Variants in DPP10 observed in about 807,000 individuals in gnomAD.
The protein encoded by DPP10 is inactive dipeptidyl peptidase 10.
In DPP10, 33 loss-of-function variants were observed where a neutral mutation model predicts 120.9. The observed-to-expected ratio is 0.27, with a 90% CI of 0.21 to 0.37. DPP10 has a LOEUF of 0.37. DPP10 is among the 10% of genes least tolerant of loss of function. The probability of loss-of-function intolerance (pLI) is 1.00; values close to 1 mark genes in which losing one functional copy is unlikely to be tolerated. For missense variants in DPP10, 816 were observed against 942.8 expected, an observed-to-expected ratio of 0.87 and a Z score of 1.76; for synonymous variants, 337 against 326.1, an observed-to-expected ratio of 1.03 and a Z score of -0.36.
intron 1 of DPP10, among the ~76,000 whole-genome samples, chr2:114,988,588 A>T (rs1380421284): frequency 6.6e-6 from 1 of 152,156 alleles, no homozygotes; most frequent in Non-Finnish European, 1.5e-5. Flanking sequence ...TTTCCCCAGG[A>T]TATAGTCATT....
intron 1 of DPP10, among the ~76,000 whole-genome samples, chr2:114,460,181 CTATCTATCT>C (rs1227371831): frequency 2.6e-5 from 2 of 75,554 alleles, no homozygotes; most frequent in African/African-American, 7.4e-5. Context: ...ATCTATCTAT[CTATCTATCT>C]ATCTATCTAT....
chr2:115,575,103 C>T (rs763231838), intron 5 of DPP10, among the ~76,000 whole-genome samples: 1 of 152,120 alleles, frequency 6.6e-6, no homozygotes, highest in Non-Finnish European at 1.5e-5. Context: ...CCTTCAGTTG[C>T]CCTGCTTTAA....
chr2:115,154,305 C>T (rs895510268), intron 1 of DPP10, among the ~76,000 whole-genome samples: 2 of 152,200 alleles, frequency 1.3e-5, no homozygotes, highest in East Asian at 1.9e-4. Flanking sequence ...GCTCTCCACA[C>T]TGGAAGCTTG....
intron 1 of DPP10, among the ~76,000 whole-genome samples, chr2:115,111,123 A>C (rs1229377715): frequency 1.3e-5 from 2 of 152,196 alleles, no homozygotes; most frequent in Non-Finnish European, 1.5e-5. Flanking sequence ...TGTCCCAAGC[A>C]TACACAAGTA....
chr2:114,458,278 C>A (rs1678690598), intron 1 of DPP10, among the ~76,000 whole-genome samples: 1 of 152,102 alleles, frequency 6.6e-6, no homozygotes, highest in African/African-American at 2.4e-5. Context: ...TCTTCAAATT[C>A]TATATTAATC....
intron 3 of DPP10, among the ~76,000 whole-genome samples, chr2:115,439,823 A>G (rs1277226290): frequency 6.6e-6 from 1 of 152,198 alleles, no homozygotes; most frequent in Admixed American, 6.5e-5. Flanking sequence ...AAATTTAAAC[A>G]TATATAATGT....
chr2:115,503,309 T>C (rs993425516), intron 4 of DPP10, among the ~76,000 whole-genome samples: 1 of 152,174 alleles, frequency 6.6e-6, no homozygotes, highest in African/African-American at 2.4e-5. Context: ...GATGTCATCC[T>C]AGTGTTTTTC....
chr2:115,125,318 A>C (rs1426610114), intron 1 of DPP10, among the ~76,000 whole-genome samples: 1 of 152,172 alleles, frequency 6.6e-6, no homozygotes, highest in Non-Finnish European at 1.5e-5. Context: ...AGATTTCTCA[A>C]ATGAACTCTA....
intron 1 of DPP10, among the ~76,000 whole-genome samples, chr2:115,119,732 T>A (rs67448492): frequency 0.21 from 31,351 of 152,076 alleles, 3,970 homozygotes; most frequent in East Asian, 0.36. Context: ...TCTAAAAGGA[T>A]GCCTCTTGAA....
intron 1 of DPP10, among the ~76,000 whole-genome samples, chr2:114,672,369 C>T (rs1410531312): frequency 2.6e-5 from 4 of 152,134 alleles, no homozygotes; most frequent in Admixed American, 2.6e-4. Flanking sequence ...CTCTTTCTCC[C>T]CCCATTTCCT....
chr2:115,117,319 T>A (rs2049568155), intron 1 of DPP10, among the ~76,000 whole-genome samples: 1 of 152,268 alleles, frequency 6.6e-6, no homozygotes, highest in Non-Finnish European at 1.5e-5. Flanking sequence ...TTCTGCCTGC[T>A]ACCATGATGG....
rs528695737 is a variant in DPP10 at position 115,754,272 on chromosome 2, T to C, written c.1074+975T>C. ...ACAGGGACCAGAGAAGTTGGAGCTT[T>C]ATAGAAAAGGACTCCAGCAATCTAT... On this transcript the variant is annotated intron_variant, in intron 11 of 25. Transcript: ENST00000410059. Among the ~76,000 whole-genome samples, 6 of 152,232 alleles carry C rather than the reference T, an allele frequency of 3.9e-5. No homozygotes were observed. The East Asian group carries it at 1.2e-3, about 29-fold the overall frequency.
intron 5 of DPP10, among the ~76,000 whole-genome samples, chr2:115,642,482 C>T (rs2149352781): frequency 6.6e-6 from 1 of 152,304 alleles, no homozygotes; most frequent in Middle Eastern, 3.4e-3. Context: ...TTTTCCGCGT[C>T]TCCAGCCTGC....
intron 1 of DPP10, among the ~76,000 whole-genome samples, chr2:114,744,831 G>A (rs557506484): frequency 9.2e-5 from 14 of 151,908 alleles, no homozygotes; most frequent in South Asian, 2.1e-4. Context: ...GCACAATCTC[G>A]GCCCACTGCA....
At chr2:115,445,937 C>G (rs906256733) in intron 3 of DPP10, among the ~76,000 whole-genome samples, 1 of 152,142 alleles carries the variant, frequency 6.6e-6, no homozygotes, top group Non-Finnish European at 1.5e-5. Flanking sequence ...CTGTGCACCA[C>G]TGGGACTTGG....
intron 3 of DPP10, among the ~76,000 whole-genome samples, chr2:115,446,602 G>A (rs1394010208): frequency 2.0e-5 from 3 of 152,094 alleles, no homozygotes; most frequent in African/African-American, 7.2e-5. Context: ...GGCTCGGAAT[G>A]TTTCTGTGTC....
intron 1 of DPP10, among the ~76,000 whole-genome samples, chr2:115,195,294 T>C (rs2055178502): frequency 6.6e-6 from 1 of 152,200 alleles, no homozygotes; most frequent in African/African-American, 2.4e-5. Context: ...GTAAATGTTG[T>C]TTATGTTTAA....
rs150950014 is a variant in DPP10 at position 115,128,767 on chromosome 2, G to T, written c.61-180472G>T. Among the ~76,000 whole-genome samples the T allele has an allele frequency of 3.6e-3, 551 of 152,248 alleles. 2 individuals are homozygous for T. The highest frequency in any genetic ancestry group is 6.9e-3 in the Admixed American group (106 of 15,278). ...TAATGTCCTGCAGAAGATAATTTGG[G>T]TGATCCCAGTTCATAATATAGTTTT... On this transcript the variant is annotated intron_variant, in intron 1 of 25. Transcript: ENST00000410059.
At chr2:115,493,517 GAAA>G (rs35641137) in intron 3 of DPP10, among the ~76,000 whole-genome samples, 2 of 144,312 alleles carry the variant, frequency 1.4e-5, no homozygotes, top group Non-Finnish European at 1.5e-5. Context: ...AGAGCTGTTG[GAAA>G]AAAAAAAAAG....
Sources: allele counts gnomAD v4.1 joint callset (sites outside exome capture counted in the v4.1 genomes callset), GRCh38; gene constraint gnomAD v4.1.1; transcripts MANE v1.5; gene names NCBI Gene and HGNC (gene_info 2026-07-23, HGNC 2026-07-21).